The following ZMAT3 variants were observed in gnomAD, a reference collection of about 807,000 sequenced individuals.
ZMAT3 encodes the protein zinc finger matrin-type protein 3.
In ZMAT3, 17 loss-of-function variants were observed where a neutral mutation model predicts 32.3. The ratio of observed to expected loss-of-function variants is 0.53; its 90% CI spans 0.36 to 0.79. The LOEUF (loss-of-function observed/expected upper bound fraction) is 0.79, where lower values mean the gene tolerates loss of function less well. ZMAT3 is among the 30% of genes least tolerant of loss of function. The pLI is 0.00. For missense variants in ZMAT3, 329 were observed against 359.7 expected (o/e 0.91, Z 0.69); for synonymous variants, 120 against 133.1 (o/e 0.90, Z 0.68).
chr3:179,045,460 A>G (rs531132236), intron 2 of ZMAT3, among the ~76,000 whole-genome samples: 11 of 152,270 alleles, frequency 7.2e-5, no homozygotes, highest in Non-Finnish European at 1.6e-4. Flanking sequence ...GAAAGTAAAC[A>G]CTCTAGGGCC....
At position 179,021,660 on chromosome 3, in the gene ZMAT3, T is replaced by C. The variant is rs1026494662; in HGVS notation, c.*3357A>G. On this transcript the variant is annotated 3_prime_UTR_variant, in exon 6 of 6. Transcript: ENST00000311417. ...ACAAGGTGCAAATCCTAAAGTATGT[T>C]ACAGAGACAGACTGAGCTTCACAAA... The C allele has an allele frequency of 6.6e-6, 1 of 152,188 alleles. No homozygotes were observed. The highest frequency in any genetic ancestry group is 1.9e-4 in the East Asian group (1 of 5,206). 9.4% of individuals were successfully genotyped at this position (152,188 alleles called of 1,614,324 possible).
chr3:179,031,139 G>T, intron 2 of ZMAT3, 140 bp from the exon 3 acceptor site: 3 of 648,252 alleles, frequency 4.6e-6, no homozygotes, highest in South Asian at 3.6e-5. Flanking sequence ...TTCCATGACA[G>T]TATATTTTTA....
chr3:179,027,787 C>A lies in ZMAT3; in HGVS notation c.416G>T (p.Arg139Leu), dbSNP rs1433660434. The A allele has an allele frequency of 1.9e-6, 3 of 1,612,870 alleles. No individual in the cohort carries two copies. Among genetic ancestry groups the A allele is most frequent in the Non-Finnish European group, 2.5e-6 (3 of 1,179,792 alleles). Residue 139 changes from arginine (R) to leucine (L), a missense_variant, in exon 4 of 6, where the codon CGA (arginine) becomes CTA (leucine). Arg to Leu is a moderately radical substitution (Grantham distance 102). Coordinates refer to ENST00000311417, the MANE Select transcript of ZMAT3 (RefSeq NM_022470.4). ...ATCATTCTCCGTGGCCAGGATCACTCGGCCTCCTGGCTTAAAGGAGCCCAT... is the reference window on the plus strand; with the variant it reads ...ATCATTCTCCGTGGCCAGGATCACTAGGCCTCCTGGCTTAAAGGAGCCCAT... ...PQMGSFKPGGRVILATENDYC... is the reference protein window; with the variant it reads ...PQMGSFKPGGLVILATENDYC...
chr3:179,047,860 A>G (rs910642129), intron 2 of ZMAT3, among the ~76,000 whole-genome samples: 6 of 150,928 alleles, frequency 4.0e-5, no homozygotes, highest in African/African-American at 1.5e-4. Context: ...CTCAGTCTCA[A>G]AAAAAAAAGG....
intron 2 of ZMAT3, among the ~76,000 whole-genome samples, chr3:179,035,693 A>G (rs564762201): frequency 1.2e-4 from 18 of 152,248 alleles, no homozygotes; most frequent in Non-Finnish European, 5.9e-5. Flanking sequence ...TCTAATCCCA[A>G]TGCCTAGAAT....
rs1718503367 is a variant in ZMAT3, at chr3:179,020,756, CAT to C, written c.*4259_*4260del. The stretch of plus-strand genomic sequence containing the variant: ...TAGAAAATACCATGTTGCACAGTTA[CAT>C]GTGTCCCCTGACACAAACGACACTC... On this transcript the variant is annotated 3_prime_UTR_variant, in exon 6 of 6. Coordinates refer to ENST00000311417, the MANE Select transcript of ZMAT3 (RefSeq NM_022470.4). 6.6e-6 allele frequency: 1 copy of C among 152,208 alleles called. No individual in the cohort carries two copies. Among genetic ancestry groups the C allele is most frequent in the East Asian group, 1.9e-4 (1 of 5,192 alleles). The allele number at this position is 152,208 out of a possible 1,614,324, so 9.4% of individuals were successfully genotyped here.
intron 2 of ZMAT3, among the ~76,000 whole-genome samples, chr3:179,056,144 T>C (rs914338320): frequency 1.3e-5 from 2 of 152,184 alleles, no homozygotes; most frequent in East Asian, 1.9e-4. Flanking sequence ...CCTGACTCTA[T>C]TGAAGGCCAA....
chr3:179,033,897 G>A (rs1236863924), intron 2 of ZMAT3, among the ~76,000 whole-genome samples: 1 of 152,158 alleles, frequency 6.6e-6, no homozygotes, highest in Non-Finnish European at 1.5e-5. Context: ...AAATAGCACA[G>A]CCAAAGCCTG....
chr3:179,035,253 C>G (rs1276236921), intron 2 of ZMAT3, among the ~76,000 whole-genome samples: 1 of 152,202 alleles, frequency 6.6e-6, no homozygotes, highest in Non-Finnish European at 1.5e-5. Flanking sequence ...CATGATCTGG[C>G]CCCGTCTATC....
chr3:179,040,114 C>T (rs1560089505), intron 2 of ZMAT3, among the ~76,000 whole-genome samples: 2 of 152,064 alleles, frequency 1.3e-5, no homozygotes, highest in South Asian at 2.1e-4. Flanking sequence ...GATTGGTGTA[C>T]CTGAAAGTGA....
chr3:179,060,162 A>AC (rs1213077761), intron 2 of ZMAT3, among the ~76,000 whole-genome samples: 1 of 152,184 alleles, frequency 6.6e-6, no homozygotes, highest in East Asian at 1.9e-4. Context: ...TGCAAAAAAA[A>AC]AATTCAATAT....
intron 2 of ZMAT3, among the ~76,000 whole-genome samples, chr3:179,031,934 T>C (rs1287527674): frequency 2.4e-3 from 12 of 5,012 alleles, no homozygotes; most frequent in Admixed American, 3.6e-3. Flanking sequence ...ACTCTCCCTC[T>C]CCCTCCCCCT....
At chr3:179,058,863 G>T (rs990309619) in intron 2 of ZMAT3, among the ~76,000 whole-genome samples, 1 of 151,716 alleles carries the variant, frequency 6.6e-6, no homozygotes, top group African/African-American at 2.4e-5. Flanking sequence ...CCAGGAACTA[G>T]TGCTCAGCTG....
In ZMAT3 at chr3:179,037,003, C is replaced by A. The variant is rs558843407; in HGVS notation, c.271-6004G>T. On this transcript the variant is annotated intron_variant, in intron 2 of 5. Coordinates refer to ENST00000311417, the MANE Select transcript of ZMAT3 (RefSeq NM_022470.4). ...CAGACTCAACCCCACAGATGGCAAA[C>A]CTCTTTTGGGTCCCCTCTCACACAC... is the stretch of plus-strand genomic sequence containing the variant. Among the ~76,000 whole-genome samples, 4 of 152,296 alleles carry A rather than the reference C, an allele frequency of 2.6e-5. No homozygotes were observed. In the East Asian group the frequency reaches 7.7e-4, roughly 29 times the overall value.
intron 2 of ZMAT3, among the ~76,000 whole-genome samples, chr3:179,058,108 T>C (rs1315110200): frequency 1.3e-5 from 2 of 152,194 alleles, no homozygotes; most frequent in Non-Finnish European, 2.9e-5. Context: ...TTAGCCTCAT[T>C]GTTTACAGGT....
Position 179,018,657 on chromosome 3 carries a change from T to C in ZMAT3, c.*6360A>G, listed in dbSNP as rs1294591192. 1 of 152,142 alleles carries C rather than the reference T, an allele frequency of 6.6e-6. No individual in the cohort carries two copies. The highest frequency in any genetic ancestry group is 1.5e-5 in the Non-Finnish European group (1 of 68,004). 9.4% of individuals were successfully genotyped at this position (152,142 alleles called of 1,614,324 possible). A position where few individuals can be genotyped will look rare whatever the true frequency, so the allele number is the denominator to read the frequency against. ...TCTTTAGATTTTATCTAAAGAATCTTATCCACAAAAAGTGGGCATAAAAAT... is the reference window on the plus strand; with the variant it reads ...TCTTTAGATTTTATCTAAAGAATCTCATCCACAAAAAGTGGGCATAAAAAT... On this transcript the variant is annotated 3_prime_UTR_variant, in exon 6 of 6. Coordinates refer to ENST00000311417, the MANE Select transcript of ZMAT3 (RefSeq NM_022470.4).
intron 1 of ZMAT3, among the ~76,000 whole-genome samples, chr3:179,068,981 C>A (rs1001092663): frequency 1.3e-5 from 2 of 152,188 alleles, no homozygotes; most frequent in African/African-American, 4.8e-5. Context: ...TTCTCTGGGA[C>A]ACCTCAGTCC....
chr3:179,060,011 G>A (rs1721068737), intron 2 of ZMAT3, among the ~76,000 whole-genome samples: 1 of 152,104 alleles, frequency 6.6e-6, no homozygotes, highest in Admixed American at 6.6e-5. Context: ...ATCATCTATT[G>A]CCTGAGAGCA....
At chr3:179,041,173 T>C (rs1192048099) in intron 2 of ZMAT3, among the ~76,000 whole-genome samples, 1 of 152,124 alleles carries the variant, frequency 6.6e-6, no homozygotes, top group Non-Finnish European at 1.5e-5. Flanking sequence ...GACAGATTAA[T>C]GAGACACAAG....
Sources: allele counts gnomAD v4.1 joint callset (sites outside exome capture counted in the v4.1 genomes callset), GRCh38; gene constraint gnomAD v4.1.1; transcripts MANE v1.5; gene names NCBI Gene and HGNC (gene_info 2026-07-23, HGNC 2026-07-21).